The following SMLR1 variants were observed in gnomAD, a reference collection of about 807,000 sequenced individuals.
SMLR1 encodes small leucine rich protein 1, also known as small leucine-rich protein 1.
Under a neutral mutation model 6.1 loss-of-function variants are expected in SMLR1, and 3 were observed. That is an observed-to-expected ratio of 0.49 (90% CI 0.22 to 1.28). The LOEUF (loss-of-function observed/expected upper bound fraction) is 1.28. Ranked by LOEUF, SMLR1 falls within the 50% of genes most tolerant of loss-of-function variation. SMLR1 has a pLI of 0.19. For synonymous variants in SMLR1, 55 were observed against 53.6 expected, an observed-to-expected ratio of 1.03 and a Z score of -0.11; for missense variants, 126 against 124.8, an observed-to-expected ratio of 1.01 and a Z score of -0.05.
At chr6:130,828,321 T>C (rs1774340803) in intron 1 of SMLR1, among the ~76,000 whole-genome samples, 2 of 152,186 alleles carry the variant, frequency 1.3e-5, no homozygotes. Flanking sequence ...TTAAAATTAA[T>C]GAAACTGGGC....
intron 1 of SMLR1, among the ~76,000 whole-genome samples, chr6:130,834,266 G>A (rs1774567878): frequency 6.6e-6 from 1 of 152,122 alleles, no homozygotes; most frequent in Non-Finnish European, 1.5e-5. Flanking sequence ...AGAATGGTGG[G>A]GGCAGACAGA....
Position 130,827,530 on chromosome 6 carries a change from C to T in SMLR1, c.117C>T (p.Ser39=). ...VPVGSVWLAM[S]SVLSAFMREL... ...TGGGGTCTGTGTGGTTGGCAATGAG[C>T]TCTGTGCTGTCAGCTTTCATGAGGG... The change falls in exon 1 of 2, where the codon AGC becomes AGT. Residue 39 remains serine (S), a synonymous_variant. Transcript: ENST00000541421. 1.3e-6 allele frequency: 2 copies of T among 1,535,974 alleles called. No individual in the cohort carries two copies. Among genetic ancestry groups the T allele is most frequent in the Non-Finnish European group, 1.7e-6 (2 of 1,146,852 alleles).
At chr6:130,828,373 CAT>C (rs1196115486) in intron 1 of SMLR1, among the ~76,000 whole-genome samples, 1 of 152,156 alleles carries the variant, frequency 6.6e-6, no homozygotes, top group Non-Finnish European at 1.5e-5. Flanking sequence ...GCCAAGTACA[CAT>C]GAGATTAATA....
chr6:130,830,105 C>T (rs1774394712), intron 1 of SMLR1, among the ~76,000 whole-genome samples: 1 of 152,168 alleles, frequency 6.6e-6, no homozygotes, highest in African/African-American at 2.4e-5. Context: ...CAGAAGGCAT[C>T]TGGCAAAATC....
chr6:130,828,662 T>C (rs1774351337), intron 1 of SMLR1, among the ~76,000 whole-genome samples: 1 of 152,206 alleles, frequency 6.6e-6, no homozygotes, highest in Non-Finnish European at 1.5e-5. Context: ...ACACAGACAG[T>C]ATGTCATGGA....
At chr6:130,832,183 G>A (rs1274863356) in intron 1 of SMLR1, among the ~76,000 whole-genome samples, 1 of 151,832 alleles carries the variant, frequency 6.6e-6, no homozygotes, top group African/African-American at 2.4e-5. Flanking sequence ...TTACTTCCAG[G>A]CCACCCCACC....
At position 130,835,327 on chromosome 6, in the gene SMLR1, G is replaced by A. The variant is rs1234962212; in HGVS notation, c.*372G>A. Reference sequence around the variant, plus strand: ...AACCCCTATTATTCCGATTTTAGAGGTGAAGAAACCTTGGTAGAGATCCAA... The same window carrying A: ...AACCCCTATTATTCCGATTTTAGAGATGAAGAAACCTTGGTAGAGATCCAA... On this transcript the variant is annotated 3_prime_UTR_variant, in exon 2 of 2. Coordinates refer to ENST00000541421, the MANE Select transcript of SMLR1 (RefSeq NM_001195597.2). The A allele has an allele frequency of 1.1e-5, 2 of 176,032 alleles. No homozygotes were observed. The highest frequency in any genetic ancestry group is 2.5e-5 in the Non-Finnish European group (2 of 81,268). 10.9% of individuals were successfully genotyped at this position (176,032 alleles called of 1,614,324 possible).
In SMLR1 at chr6:130,827,446, A is replaced by T. The variant is rs563214219; in HGVS notation, c.33A>T (p.Lys11Asn). 1.3e-6 allele frequency: 2 copies of T among 1,535,960 alleles called. No homozygotes were observed. Among genetic ancestry groups the T allele is most frequent in the African/African-American group, 2.7e-5 (2 of 73,134 alleles). Residue 11 changes from lysine (K) to asparagine (N), a missense_variant, in exon 1 of 2, where the codon AAA becomes AAT. Physicochemically the swap from Lys to Asn is moderately conservative, Grantham distance 94. Transcript: ENST00000541421. ...GCAAAGGCCGGAGCCCCAGAAGAAAACAAGTACAGACTCAGAGGAAAGCTG... is the reference window on the plus strand; with the variant it reads ...GCAAAGGCCGGAGCCCCAGAAGAAATCAAGTACAGACTCAGAGGAAAGCTG... MLSKGRSPRRKQVQTQRKAAL... is the reference protein window; with the variant it reads MLSKGRSPRRNQVQTQRKAAL...
At chr6:130,830,887 A>ACCCCC (rs771381991) in intron 1 of SMLR1, among the ~76,000 whole-genome samples, 1 of 151,828 alleles carries the variant, frequency 6.6e-6, no homozygotes, top group African/African-American at 2.4e-5. Flanking sequence ...GGCATAAATA[A>ACCCCC]CCGCCCCCCC....
intron 1 of SMLR1, among the ~76,000 whole-genome samples, chr6:130,829,417 C>T (rs1480540702): frequency 6.6e-6 from 1 of 152,116 alleles, no homozygotes; most frequent in African/African-American, 2.4e-5. Context: ...AATCACATTG[C>T]TTTAGAATAC....
intron 1 of SMLR1, among the ~76,000 whole-genome samples, chr6:130,833,340 C>G (rs1163412025): frequency 6.6e-6 from 1 of 152,098 alleles, no homozygotes; most frequent in Non-Finnish European, 1.5e-5. Context: ...TCAGGTCACC[C>G]ATTTTCAGCT....
Position 130,827,553 on chromosome 6 carries a change from G to A in SMLR1, c.140G>A (p.Arg47Lys). The A allele has an allele frequency of 6.5e-7, 1 of 1,535,960 alleles. No homozygotes were observed. The highest frequency in any genetic ancestry group is 8.7e-7 in the Non-Finnish European group (1 of 1,146,842). The change falls in exon 1 of 2, where the codon AGG (arginine) becomes AAG (lysine). Residue 47 changes from arginine (R) to lysine (K), a missense_variant. Transcript: ENST00000541421. ...AGCTCTGTGCTGTCAGCTTTCATGA[G>A]GGAGCTCCCTGGCTGGTTCCTGTTC... ...AMSSVLSAFM[R>K]ELPGWFLFFG...
At chr6:130,833,542 T>C (rs1306184873) in intron 1 of SMLR1, among the ~76,000 whole-genome samples, 3 of 152,158 alleles carry the variant, frequency 2.0e-5, no homozygotes, top group Admixed American at 2.0e-4. Context: ...GCTGAAACTG[T>C]GGTCTCTGAA....
At chr6:130,834,123 C>T (rs541826358) in intron 1 of SMLR1, among the ~76,000 whole-genome samples, 6 of 152,162 alleles carry the variant, frequency 3.9e-5, no homozygotes, top group Admixed American at 1.3e-4. Flanking sequence ...AAGATCCCAA[C>T]GAATATGTGT....
intron 1 of SMLR1, among the ~76,000 whole-genome samples, chr6:130,828,809 C>A (rs916559836): frequency 1.3e-5 from 2 of 152,124 alleles, no homozygotes; most frequent in Non-Finnish European, 2.9e-5. Flanking sequence ...TGTGATAAAT[C>A]CTTTTCTTTG....
intron 1 of SMLR1, 128 bp from the exon 2 acceptor site, chr6:130,834,742 A>C (rs1774593037): frequency 2.9e-6 from 2 of 683,210 alleles, no homozygotes; most frequent in Non-Finnish European, 5.1e-6. Flanking sequence ...TCTGCTTGGA[A>C]GACCTGGACT....
At chr6:130,833,331 C>G (rs1423477561) in intron 1 of SMLR1, among the ~76,000 whole-genome samples, 1 of 152,108 alleles carries the variant, frequency 6.6e-6, no homozygotes. Context: ...TCTCGTTATT[C>G]AGGTCACCCA....
Position 130,829,097 on chromosome 6 carries a change from G to A in SMLR1, c.238+1446G>A, listed in dbSNP as rs180673765. On this transcript the variant is annotated intron_variant, in intron 1 of 1. Transcript: ENST00000541421. ...ATAAAACGATGCTGATGTCATCATC[G>A]GGGACTTGGAGACTTCCTGTAGTTT... is the stretch of plus-strand genomic sequence containing the variant. 1.1e-4 allele frequency among the ~76,000 whole-genome samples: 17 copies of A among 152,200 alleles called. 1 individual carries two copies. In the East Asian group the frequency reaches 2.1e-3, roughly 19 times the overall value.
At chr6:130,832,543 G>A (rs1410806177) in intron 1 of SMLR1, among the ~76,000 whole-genome samples, 2 of 152,090 alleles carry the variant, frequency 1.3e-5, no homozygotes, top group Non-Finnish European at 2.9e-5. Flanking sequence ...GATTAAGCGA[G>A]GTAATACATA....
Sources: gnomAD v4.1 joint callset for allele counts (sites outside exome capture counted in the v4.1 genomes callset) on GRCh38, gnomAD v4.1.1 for gene constraint, MANE v1.5 for transcripts, NCBI Gene and HGNC (gene_info 2026-07-23, HGNC 2026-07-21) for gene names.